Variants in VSIG1 observed in about 807,000 individuals in gnomAD.
VSIG1 encodes the protein V-set and immunoglobulin domain-containing protein 1.
A neutral mutation model predicts 20.1 loss-of-function variants in VSIG1; 11 were observed. That is an observed-to-expected ratio of 0.55 (90% CI 0.34 to 0.91). VSIG1 has a LOEUF of 0.91. Ranked by LOEUF, VSIG1 falls within the 40% of genes least tolerant of loss-of-function variation. The pLI is 0.02. For synonymous variants in VSIG1, 126 were observed against 116.7 expected (o/e 1.08, Z -0.52); for missense variants, 283 against 298.8 (o/e 0.95, Z 0.39).
chrX:108,043,650 T>G (rs1156668276), upstream of VSIG1, among the ~76,000 whole-genome samples: 1 of 111,683 alleles, frequency 9.0e-6, no homozygotes, highest in Non-Finnish European at 1.9e-5. Flanking sequence ...GGAAATCACC[T>G]GGAGCCAACG....
In VSIG1 at chrX:108,066,974, G is replaced by T. The variant is rs759483738; in HGVS notation, c.252G>T (p.Gly84=). 1.7e-6 allele frequency: 2 copies of T among 1,211,144 alleles called. No individual in the cohort carries two copies. The highest frequency in any genetic ancestry group is 3.0e-5 in the East Asian group (1 of 33,834). The change falls in exon 3 of 7, where the codon GGG becomes GGT. Residue 84 remains glycine (G), a synonymous_variant. Coordinates refer to ENST00000217957, the MANE Select transcript of VSIG1 (RefSeq NM_182607.5). ...FSQGGQAVAI[G]QFKDRITGSN... ...AAGGTGGACAAGCTGTAGCCATCGG[G>T]CAATTTAAAGATCGAATTACAGGGT...
At chrX:108,020,097 T>C in the VSIG1 span, among the ~76,000 whole-genome samples, 3 of 112,461 alleles carry the variant, frequency 2.7e-5, no homozygotes, top group African/African-American at 6.5e-5. Context: ...ACTATTTTGG[T>C]TTTTCCTAGT....
intron 5 of VSIG1, 45 bp from the exon 6 acceptor site, chrX:108,076,032 T>C (rs1385338943): frequency 8.3e-7 from 1 of 1,199,823 alleles, no homozygotes; most frequent in Non-Finnish European, 1.1e-6. Context: ...CATTATAAAA[T>C]GACAATATAT....
chrX:108,068,320 G>A (rs1482394366), intron 3 of VSIG1, among the ~76,000 whole-genome samples: 4 of 112,182 alleles, frequency 3.6e-5, no homozygotes, highest in Non-Finnish European at 7.5e-5. Context: ...GACAAGAGAA[G>A]TATTACTCAA....
chrX:108,070,743 C>A (rs2031221590), intron 3 of VSIG1, among the ~76,000 whole-genome samples: 1 of 112,226 alleles, frequency 8.9e-6, no homozygotes, highest in African/African-American at 3.2e-5. Context: ...TTGTTCCTAC[C>A]TGAGAAAATC....
intron 2 of VSIG1, among the ~76,000 whole-genome samples, chrX:108,065,715 C>A (rs1325421782): frequency 9.0e-6 from 1 of 111,563 alleles, no homozygotes; most frequent in East Asian, 2.8e-4. Context: ...CTTAATCTAC[C>A]CTATGCAACA....
At chrX:108,071,554 G>A (rs1003832897) in intron 3 of VSIG1, among the ~76,000 whole-genome samples, 2 of 110,897 alleles carry the variant, frequency 1.8e-5, no homozygotes, top group African/African-American at 3.3e-5. Context: ...AAAACTCTAT[G>A]TCCCGGACTG....
Sources: gnomAD v4.1 joint callset for allele counts (sites outside exome capture counted in the v4.1 genomes callset) on GRCh38, gnomAD v4.1.1 for gene constraint, MANE v1.5 for transcripts, NCBI Gene and HGNC (gene_info 2026-07-23, HGNC 2026-07-21) for gene names.